EPSTI1: variants seen among roughly 807,000 people sequenced by gnomAD.
EPSTI1 encodes epithelial-stromal interaction protein 1.
EPSTI1 carries 66 observed loss-of-function variants against 49.9 expected under a neutral mutation model. That is an observed-to-expected ratio of 1.32 (90% CI 1.08 to 1.62). The LOEUF (loss-of-function observed/expected upper bound fraction) is 1.62, where lower values mean the gene tolerates loss of function less well. EPSTI1 is among the 40% of genes most tolerant of loss of function. EPSTI1 has a pLI of 0.00. For missense variants in EPSTI1, 394 were observed against 365.5 expected (o/e 1.08, Z -0.64); for synonymous variants, 137 against 130.7 (o/e 1.05, Z -0.33).
intron 6 of EPSTI1, among the ~76,000 whole-genome samples, chr13:42,935,649 C>T (rs2038536840): frequency 6.6e-6 from 1 of 152,014 alleles, no homozygotes; most frequent in Non-Finnish European, 1.5e-5. Flanking sequence ...TGGAGTGTAA[C>T]GGCGTGATCT....
At position 42,966,315 on chromosome 13, in the gene EPSTI1, C is replaced by T. The variant is rs1326489389; in HGVS notation, c.332-2176G>A. On this transcript the variant is annotated intron_variant, in intron 3 of 10. Coordinates refer to ENST00000313624, the MANE Select transcript of EPSTI1 (RefSeq NM_033255.5). ...AAAGTGAGGAGCATCTCCGCCCGGC[C>T]GCCATCCCATCTAGGAAGTGAGGAG... Among the ~76,000 whole-genome samples the T allele has an allele frequency of 1.0e-4, 2 of 19,972 alleles. 1 individual carries two copies. 13.1% of individuals were successfully genotyped at this position (19,972 alleles called of 152,430 possible).
At chr13:42,906,182 G>A (rs763204738) in intron 8 of EPSTI1, among the ~76,000 whole-genome samples, 8 of 152,140 alleles carry the variant, frequency 5.3e-5, no homozygotes, top group Non-Finnish European at 1.0e-4. Flanking sequence ...ATAAGAAGAG[G>A]GGTTGCCATT....
intron 6 of EPSTI1, among the ~76,000 whole-genome samples, chr13:42,947,698 G>C (rs1594704780): frequency 6.6e-6 from 1 of 152,192 alleles, no homozygotes; most frequent in East Asian, 1.9e-4. Context: ...GGTCAGTTGA[G>C]AGCAGTTTTT....
chr13:42,918,480 G>A (rs932761367), intron 7 of EPSTI1, among the ~76,000 whole-genome samples: 3 of 152,172 alleles, frequency 2.0e-5, no homozygotes, highest in Admixed American at 2.0e-4. Context: ...CTAGTTCTCA[G>A]GACTAATAAT....
intron 3 of EPSTI1, among the ~76,000 whole-genome samples, chr13:42,965,756 T>C (rs2039592754): frequency 1.5e-4 from 1 of 6,548 alleles, no homozygotes; most frequent in African/African-American, 2.6e-4. Flanking sequence ...CTCGTCTCCC[T>C]CTCCCTCTCC....
intron 1 of EPSTI1, among the ~76,000 whole-genome samples, chr13:42,982,998 C>G (rs1156254126): frequency 1.3e-5 from 2 of 152,218 alleles, no homozygotes. Context: ...ACTATCCACT[C>G]TTCATCAAAC....
At chr13:42,955,756 C>T (rs2039239927) in intron 5 of EPSTI1, among the ~76,000 whole-genome samples, 2 of 151,506 alleles carry the variant, frequency 1.3e-5, no homozygotes, top group Admixed American at 6.6e-5. Flanking sequence ...GAGTCAAGAT[C>T]GTGCCATTGC....
chr13:42,979,443 G>A (rs1432848118), intron 1 of EPSTI1, among the ~76,000 whole-genome samples: 2 of 151,988 alleles, frequency 1.3e-5, no homozygotes, highest in East Asian at 1.9e-4. Context: ...TTAGCCGGGC[G>A]TGGTGGCGGG....
At chr13:42,980,032 T>C (rs1330373268) in intron 1 of EPSTI1, among the ~76,000 whole-genome samples, 1 of 152,080 alleles carries the variant, frequency 6.6e-6, no homozygotes, top group African/African-American at 2.4e-5. Context: ...CTTTCATGAC[T>C]GACATATTTG....
chr13:42,952,236 A>G (rs542631238), intron 6 of EPSTI1, among the ~76,000 whole-genome samples: 2 of 152,224 alleles, frequency 1.3e-5, no homozygotes, highest in African/African-American at 4.8e-5. Flanking sequence ...GTCCCCTTCC[A>G]TGCTGTGAAA....
intron 6 of EPSTI1, 141 bp from the exon 7 acceptor site, chr13:42,926,570 A>C (rs1276039272): frequency 1.5e-6 from 1 of 674,938 alleles, no homozygotes; most frequent in East Asian, 2.5e-5. Context: ...CGTTGAGAAC[A>C]AGGTGTAGCA....
intron 1 of EPSTI1, among the ~76,000 whole-genome samples, 158 bp downstream of exon 1, chr13:42,991,820 G>A (rs189572618): frequency 6.6e-6 from 1 of 152,330 alleles, no homozygotes; most frequent in Admixed American, 6.5e-5. Context: ...TATAAGGTGC[G>A]GCATGGATAC....
At chr13:42,924,075 A>G (rs536106969) in intron 7 of EPSTI1, among the ~76,000 whole-genome samples, 2 of 152,258 alleles carry the variant, frequency 1.3e-5, no homozygotes, top group South Asian at 4.1e-4. Context: ...TGTTCTTCAC[A>G]GAAGTGCAAT....
At chr13:42,981,230 C>G (rs2153435596) in intron 1 of EPSTI1, among the ~76,000 whole-genome samples, 1 of 152,284 alleles carries the variant, frequency 6.6e-6, no homozygotes, top group Admixed American at 6.5e-5. Context: ...TGATTATTTT[C>G]TTTCCTCTTA....
intron 7 of EPSTI1, among the ~76,000 whole-genome samples, chr13:42,925,612 T>C (rs2038147192): frequency 6.6e-6 from 1 of 152,234 alleles, no homozygotes; most frequent in South Asian, 2.1e-4. Context: ...TCACCGTTCC[T>C]GCTCATTTCT....
intron 1 of EPSTI1, among the ~76,000 whole-genome samples, chr13:42,991,777 T>TTG (rs2153437866): frequency 6.6e-6 from 1 of 152,370 alleles, no homozygotes; most frequent in South Asian, 2.1e-4. Flanking sequence ...GGCTGGTTAT[T>TTG]TACCAAAGGA....
intron 1 of EPSTI1, among the ~76,000 whole-genome samples, chr13:42,987,854 G>C (rs2040113252): frequency 6.6e-6 from 1 of 152,134 alleles, no homozygotes; most frequent in South Asian, 2.1e-4. Context: ...TATGAGGATT[G>C]AAAGAGTTAG....
At chr13:42,982,995 A>T (rs573308778) in intron 1 of EPSTI1, among the ~76,000 whole-genome samples, 1 of 152,014 alleles carries the variant, frequency 6.6e-6, no homozygotes, top group Non-Finnish European at 1.5e-5. Context: ...TATACTATCC[A>T]CTCTTCATCA....
intron 10 of EPSTI1, among the ~76,000 whole-genome samples, chr13:42,891,838 C>T (rs922112647): frequency 6.6e-6 from 1 of 152,102 alleles, no homozygotes; most frequent in Non-Finnish European, 1.5e-5. Flanking sequence ...TACATCACCA[C>T]AGGGAGAGGC....
Sources: allele counts gnomAD v4.1 joint callset (sites outside exome capture counted in the v4.1 genomes callset), GRCh38; gene constraint gnomAD v4.1.1; transcripts MANE v1.5; gene names NCBI Gene and HGNC (gene_info 2026-07-23, HGNC 2026-07-21).